The following DAB1 variants were observed in gnomAD, a reference collection of about 807,000 sequenced individuals.
DAB1 encodes DAB adaptor protein 1, also known as disabled homolog 1.
In DAB1, 15 loss-of-function variants were observed where a neutral mutation model predicts 64.6. The ratio of observed to expected loss-of-function variants is 0.23; its 90% CI spans 0.16 to 0.36. DAB1 has a LOEUF of 0.36. DAB1 is among the 10% of genes least tolerant of loss of function. The pLI is 1.00. For synonymous variants in DAB1, 235 were observed against 251.9 expected, an observed-to-expected ratio of 0.93 and a Z score of 0.64; for missense variants, 596 against 706.7, an observed-to-expected ratio of 0.84 and a Z score of 1.78.
chr1:58,176,744 C>G (rs1445935554), intron 4 of DAB1, among the ~76,000 whole-genome samples: 1 of 152,158 alleles, frequency 6.6e-6, no homozygotes, highest in Non-Finnish European at 1.5e-5. Context: ...CTTTGGGAGG[C>G]CGAGGCAGGC....
intron 2 of DAB1, among the ~76,000 whole-genome samples, chr1:57,224,410 T>C (rs1420755009): frequency 6.6e-6 from 1 of 152,194 alleles, no homozygotes; most frequent in Non-Finnish European, 1.5e-5. Context: ...GTCTAGAGAA[T>C]AGGATCAGCC....
chr1:57,173,267 C>T (rs1365533418), intron 2 of DAB1, among the ~76,000 whole-genome samples: 4 of 152,152 alleles, frequency 2.6e-5, no homozygotes. Flanking sequence ...GGAGGTTGAG[C>T]ATCCCTAATC....
At chr1:57,272,714 A>G (rs937707486) in intron 2 of DAB1, among the ~76,000 whole-genome samples, 5 of 152,084 alleles carry the variant, frequency 3.3e-5, no homozygotes, top group Non-Finnish European at 5.9e-5. Flanking sequence ...AAGAATACCT[A>G]CCTCACTGGT....
At chr1:57,657,561 C>A (rs922978064) in intron 6 of DAB1, among the ~76,000 whole-genome samples, 3 of 152,168 alleles carry the variant, frequency 2.0e-5, no homozygotes, top group Non-Finnish European at 4.4e-5. Flanking sequence ...TCTGCAGTGA[C>A]AATTTAGCAG....
chr1:57,448,570 T>C (rs1281981196), intron 7 of DAB1, among the ~76,000 whole-genome samples: 1 of 152,232 alleles, frequency 6.6e-6, no homozygotes, highest in Non-Finnish European at 1.5e-5. Context: ...TTGATGGATT[T>C]ATTAATTCAA....
intron 2 of DAB1, among the ~76,000 whole-genome samples, chr1:57,239,595 C>A (rs1401629747): frequency 6.6e-6 from 1 of 152,198 alleles, no homozygotes; most frequent in Non-Finnish European, 1.5e-5. Context: ...CAAGAGGCCT[C>A]TCCATCTGTC....
intron 7 of DAB1, among the ~76,000 whole-genome samples, chr1:57,579,703 C>G (rs72908524): frequency 1.3e-5 from 2 of 152,090 alleles, no homozygotes; most frequent in African/African-American, 4.8e-5. Context: ...GCAGAGAGGA[C>G]AGTGGGAACC....
At chr1:58,375,311 G>A (rs2100540649) in intron 3 of DAB1, among the ~76,000 whole-genome samples, 1 of 142,930 alleles carries the variant, frequency 7.0e-6, no homozygotes, top group African/African-American at 2.7e-5. Flanking sequence ...GATATTGGCT[G>A]TGGGTTTGTC....
chr1:57,775,446 C>A lies in DAB1; in HGVS notation n.551+108553G>T, dbSNP rs140894589. Reference sequence around the variant, plus strand: ...TAAGCACTGTTTTAGCTGCATCCCACAAAGCTGATATGTTGTGTTTTCATT... The same window carrying A: ...TAAGCACTGTTTTAGCTGCATCCCAAAAAGCTGATATGTTGTGTTTTCATT... On this transcript the variant is annotated intron_variant and non_coding_transcript_variant, in intron 6 of 20. Transcript: ENST00000485760. Among the ~76,000 whole-genome samples the A allele has an allele frequency of 4.1e-3, 624 of 151,720 alleles. 6 individuals carry two copies. Among genetic ancestry groups the A allele is most frequent in the African/African-American group, 0.014 (599 of 41,492 alleles).
intron 4 of DAB1, among the ~76,000 whole-genome samples, chr1:57,130,211 T>C (rs1435386728): frequency 1.3e-5 from 2 of 152,034 alleles, no homozygotes; most frequent in Non-Finnish European, 2.9e-5. Flanking sequence ...TAACCAATAA[T>C]GTAATATTAT....
chr1:58,451,542 C>T (rs1645136556), intron 3 of DAB1, among the ~76,000 whole-genome samples: 1 of 152,148 alleles, frequency 6.6e-6, no homozygotes, highest in African/African-American at 2.4e-5. Flanking sequence ...GTGTTGACAA[C>T]ATATCATGAT....
At chr1:57,896,280 A>G (rs1644390597) in intron 5 of DAB1, among the ~76,000 whole-genome samples, 1 of 152,114 alleles carries the variant, frequency 6.6e-6, no homozygotes, top group Non-Finnish European at 1.5e-5. Flanking sequence ...AAAGTCCTAT[A>G]TCAGTGCTTA....
intron 14 of DAB1, among the ~76,000 whole-genome samples, chr1:57,004,771 G>C (rs973790999): frequency 6.6e-6 from 1 of 152,142 alleles, no homozygotes; most frequent in Non-Finnish European, 1.5e-5. Context: ...GGAGGGTCAG[G>C]AAAAATGCAT....
intron 1 of DAB1, chr1:57,862,799 C>A (rs1364354359): frequency 1.3e-5 from 2 of 152,106 alleles, no homozygotes; most frequent in Non-Finnish European, 2.9e-5. Context: ...TGGCAAGAAA[C>A]AGGGACACTG....
intron 3 of DAB1, among the ~76,000 whole-genome samples, chr1:58,360,061 T>C (rs554970749): frequency 1.2e-3 from 184 of 152,142 alleles, no homozygotes; most frequent in Non-Finnish European, 1.9e-3. Flanking sequence ...TGGTACTAAA[T>C]GTTCAGTTCA....
At chr1:58,485,359 T>G (rs1003867861) in intron 3 of DAB1, among the ~76,000 whole-genome samples, 21 of 151,916 alleles carry the variant, frequency 1.4e-4, no homozygotes, top group African/African-American at 4.6e-4. Context: ...CACATGATAT[T>G]TCTTGAGTAA....
At chr1:58,513,561 A>C (rs1185187079) in intron 2 of DAB1, among the ~76,000 whole-genome samples, 1 of 152,230 alleles carries the variant, frequency 6.6e-6, no homozygotes, top group Non-Finnish European at 1.5e-5. Context: ...TGGCCAGAGA[A>C]ACATAAGAAA....
chr1:57,997,520 T>C (rs908685717), intron 5 of DAB1, among the ~76,000 whole-genome samples: 5 of 152,174 alleles, frequency 3.3e-5, no homozygotes, highest in Admixed American at 2.0e-4. Context: ...AGCCCCTCAG[T>C]TGAATTCCTT....
chr1:57,327,892 A>T (rs1426382331), intron 1 of DAB1, among the ~76,000 whole-genome samples: 1 of 152,132 alleles, frequency 6.6e-6, no homozygotes, highest in African/African-American at 2.4e-5. Context: ...GATATGATTG[A>T]CCTGAAATTC....
Sources: gnomAD v4.1 joint callset for allele counts (sites outside exome capture counted in the v4.1 genomes callset) on GRCh38, gnomAD v4.1.1 for gene constraint, MANE v1.5 for transcripts, NCBI Gene and HGNC (gene_info 2026-07-23, HGNC 2026-07-21) for gene names.